The following UBQLNL variants were observed in gnomAD, a reference collection of about 807,000 sequenced individuals.
UBQLNL encodes the protein ubiquilin-like protein.
For synonymous variants in UBQLNL, 223 were observed against 209.7 expected (o/e 1.06, Z -0.55); for missense variants, 589 against 567.1 (o/e 1.04, Z -0.39).
rs1481535976 is a variant in UBQLNL, at chr11:5,515,585, T to C, written c.857A>G (p.Gln286Arg). 1.9e-6 allele frequency: 3 copies of C among 1,614,036 alleles called. No homozygotes were observed. Among genetic ancestry groups the C allele is most frequent in the Non-Finnish European group, 2.5e-6 (3 of 1,180,042 alleles). ...DINDQMLNSM[Q>R]DPFGGNPFTA... ...GAAAGGGTTTCCTCCAAAAGGATCT[T>C]GCATGCTGTTCAGCATTTGATCATT... The change falls in exon 1 of 1, where the codon CAA becomes CGA. Residue 286 changes from glutamine (Q) to arginine (R), a missense_variant. By Grantham distance (43) the Gln-to-Arg change is conservative (BLOSUM62 1). Coordinates refer to ENST00000380184, the MANE Select transcript of UBQLNL (RefSeq NM_145053.5).
Position 5,514,992 on chromosome 11 carries a change from G to A in UBQLNL, c.*22C>T. On this transcript the variant is annotated 3_prime_UTR_variant, in exon 1 of 1. Coordinates refer to ENST00000380184, the MANE Select transcript of UBQLNL (RefSeq NM_145053.5). Reference sequence around the variant, plus strand: ...GAGGGCCTGCTCAATCTGCAATATTGCTTGGAATGCTTTAGGGTTGCCTAA... The same window carrying A: ...GAGGGCCTGCTCAATCTGCAATATTACTTGGAATGCTTTAGGGTTGCCTAA... The A allele has an allele frequency of 6.2e-7, 1 of 1,601,656 alleles. No individual in the cohort carries two copies.
In UBQLNL at chr11:5,515,368, G is replaced by C. The variant is rs1195143530; in HGVS notation, c.1074C>G (p.Ala358=). ...CCTTGGTGGAAATCATAGCAGTGTT[G>C]GCTTTGGAAGTGTGGTTGACCTTGT... ...TLNKVNHTSK[A]NTAMISTKGQ... The change falls in exon 1 of 1, where the codon GCC becomes GCG. Residue 358 remains alanine, a synonymous_variant. Coordinates refer to ENST00000380184, the MANE Select transcript of UBQLNL (RefSeq NM_145053.5). 4 of 1,614,068 alleles carry C rather than the reference G, an allele frequency of 2.5e-6. No homozygotes were observed. The Admixed American group carries it at 6.7e-5, about 27-fold the overall frequency.
Position 5,514,642 on chromosome 11 carries a change from C to A in UBQLNL, c.*372G>T. On this transcript the variant is annotated 3_prime_UTR_variant, in exon 1 of 1. Transcript: ENST00000380184. ...AGCTTGCGGATAGCAGCATTGGTGT[C>A]CCCTTCAGTAGCAATGAGTGCCTGT... The A allele has an allele frequency of 5.1e-6, 1 of 196,380 alleles. No homozygotes were observed. Among genetic ancestry groups the A allele is most frequent in the East Asian group, 1.2e-4 (1 of 8,156 alleles). The allele number at this position is 196,380 out of a possible 1,614,324, so 12.2% of individuals were successfully genotyped here. A position where few individuals can be genotyped will look rare whatever the true frequency, so the allele number is the denominator to read the frequency against.
Position 5,514,843 on chromosome 11 carries a change from A to T in UBQLNL, c.*171T>A, listed in dbSNP as rs1564839480. On this transcript the variant is annotated 3_prime_UTR_variant, in exon 1 of 1. Transcript: ENST00000380184. ...GGTCCCTTGGGCTCAGCTGTATCTG[A>T]AACATTCCAGGAACAGGGCACTGTG... The T allele has an allele frequency of 1.8e-5, 12 of 662,822 alleles. No individual in the cohort carries two copies. The highest frequency in any genetic ancestry group is 2.6e-5 in the Non-Finnish European group (10 of 387,522). 41.1% of individuals were successfully genotyped at this position (662,822 alleles called of 1,614,324 possible).
chr11:5,514,789 G>A lies in UBQLNL; in HGVS notation c.*225C>T, dbSNP rs1480119839. The stretch of plus-strand genomic sequence containing the variant: ...CCATCCGGGGATTGTAGCCTCTGCA[G>A]GACTGTTCCAGGCTTGTGGCAGCAC... On this transcript the variant is annotated 3_prime_UTR_variant, in exon 1 of 1. Coordinates refer to ENST00000380184, the MANE Select transcript of UBQLNL (RefSeq NM_145053.5). 5.2e-6 allele frequency: 3 copies of A among 573,914 alleles called. No homozygotes were observed. The highest frequency in any genetic ancestry group is 2.3e-5 in the South Asian group (1 of 42,578). The allele number at this position is 573,914 out of a possible 1,614,324, so 35.6% of individuals were successfully genotyped here.
Position 5,515,771 on chromosome 11 carries a change from T to C in UBQLNL, c.671A>G (p.Gln224Arg). 9.9e-6 allele frequency: 16 copies of C among 1,614,162 alleles called. No individual in the cohort carries two copies. Among genetic ancestry groups the C allele is most frequent in the Non-Finnish European group, 1.4e-5 (16 of 1,180,026 alleles). ...LLLDNSEILL[Q>R]TLELARNLAM... ...AAGGTTCCTGGCCAGCTCCAGAGTCTGCAATAGGATCTCAGAATTATCAAG... is the reference window on the plus strand; with the variant it reads ...AAGGTTCCTGGCCAGCTCCAGAGTCCGCAATAGGATCTCAGAATTATCAAG... Residue 224 changes from glutamine to arginine, a missense_variant, in exon 1 of 1, where the codon CAG (glutamine) becomes CGG (arginine). Gln to Arg is a conservative substitution (Grantham distance 43). Transcript: ENST00000380184.
chr11:5,515,481 C>A lies in UBQLNL; in HGVS notation c.961G>T (p.Asp321Tyr), dbSNP rs1846518326. The A allele has an allele frequency of 1.2e-6, 2 of 1,613,868 alleles. No homozygotes were observed. Among genetic ancestry groups the A allele is most frequent in the Admixed American group, 1.7e-5 (1 of 59,994 alleles). Residue 321 changes from aspartate to tyrosine, a missense_variant, in exon 1 of 1, where the codon GAC (aspartate) becomes TAC (tyrosine). Transcript: ENST00000380184. ...GTTGCAGGATGCTGTGTGAGCTGGT[C>A]TTGTTGTTCCTGTGATGGTGGTGGA... is the stretch of plus-strand genomic sequence containing the variant. ...PPPPPSQEQQ[D>Y]QLTQHPATRV...
chr11:5,516,144 T>G lies in UBQLNL; in HGVS notation c.298A>C (p.Ile100Leu), dbSNP rs1846533446. Reference sequence around the variant, plus strand: ...GATCTGGAGCCCTGCTTGGACTTGATGACCAAGTAGATGGTGTGGCCATCC... The same window carrying G: ...GATCTGGAGCCCTGCTTGGACTTGAGGACCAAGTAGATGGTGTGGCCATCC... ...IMDGHTIYLV[I>L]KSKQGSRSLA... is the part of the protein sequence containing the mutation. The change falls in exon 1 of 1, where the codon ATC (isoleucine) becomes CTC (leucine). Residue 100 changes from isoleucine to leucine, a missense_variant. By Grantham distance (5) the Ile-to-Leu change is conservative. Coordinates refer to ENST00000380184, the MANE Select transcript of UBQLNL (RefSeq NM_145053.5). 6.2e-7 allele frequency: 1 copy of G among 1,614,190 alleles called. No individual in the cohort carries two copies. Among genetic ancestry groups the G allele is most frequent in the South Asian group, 1.1e-5 (1 of 91,088 alleles).
At position 5,515,495 on chromosome 11, in the gene UBQLNL, G is replaced by A. The variant is rs1846518602; in HGVS notation, c.947C>T (p.Ser316Leu). ...VQSSPPPPPP[S>L]QEQQDQLTQH... ...TGTGAGCTGGTCTTGTTGTTCCTGT[G>A]ATGGTGGTGGAGGTGGGGGTGAAGA... Residue 316 changes from serine to leucine, a missense_variant, in exon 1 of 1, where the codon TCA becomes TTA. Coordinates refer to ENST00000380184, the MANE Select transcript of UBQLNL (RefSeq NM_145053.5). The A allele has an allele frequency of 6.2e-7, 1 of 1,614,148 alleles. No individual in the cohort carries two copies.
Position 5,515,447 on chromosome 11 carries a change from A to G in UBQLNL, c.995T>C (p.Ile332Thr), listed in dbSNP as rs1846517386. The G allele has an allele frequency of 1.2e-6, 2 of 1,614,092 alleles. No homozygotes were observed. Residue 332 changes from isoleucine to threonine, a missense_variant, in exon 1 of 1, where the codon ATC (isoleucine) becomes ACC (threonine). Ile to Thr is a moderately conservative substitution (Grantham distance 89). Coordinates refer to ENST00000380184, the MANE Select transcript of UBQLNL (RefSeq NM_145053.5). ...AGAGAAACCACCAGAGCTATTATAG[A>G]TGACTCGGGTTGCAGGATGCTGTGT... ...QLTQHPATRV[I>T]YNSSGGFSSN...
chr11:5,514,705 G>A lies in UBQLNL; in HGVS notation c.*309C>T, dbSNP rs1043138340. 4 of 332,876 alleles carry A rather than the reference G, an allele frequency of 1.2e-5. No homozygotes were observed. The highest frequency in any genetic ancestry group is 2.1e-5 in the African/African-American group (1 of 47,866). The allele number at this position is 332,876 out of a possible 1,614,324, so 20.6% of individuals were successfully genotyped here. A position where few individuals can be genotyped will look rare whatever the true frequency, so the allele number is the denominator to read the frequency against. On this transcript the variant is annotated 3_prime_UTR_variant, in exon 1 of 1. Transcript: ENST00000380184. ...TGGTTCCCAAATCCCATGGCCTGGA[G>A]AGAATCCATCTGTTTGCTAAAACAA...
Position 5,514,932 on chromosome 11 carries a change from G to A in UBQLNL, c.*82C>T. 6.9e-7 allele frequency: 1 copy of A among 1,441,792 alleles called. No homozygotes were observed. Among genetic ancestry groups the A allele is most frequent in the African/African-American group, 1.4e-5 (1 of 71,186 alleles). The allele number at this position is 1,441,792 out of a possible 1,614,324, so 89.3% of individuals were successfully genotyped here. A position where few individuals can be genotyped will look rare whatever the true frequency, so the allele number is the denominator to read the frequency against. ...GCCCCATAGGTAGGGTGCAACCCAA[G>A]GCAGAAGAACAGGAGCCTCTGTGGC... On this transcript the variant is annotated 3_prime_UTR_variant, in exon 1 of 1. Transcript: ENST00000380184.
At position 5,516,215 on chromosome 11, in the gene UBQLNL, C is replaced by T. The variant is rs550903090; in HGVS notation, c.227G>A (p.Gly76Asp). 1 of 1,610,630 alleles carries T rather than the reference C, an allele frequency of 6.2e-7. No homozygotes were observed. The highest frequency in any genetic ancestry group is 1.7e-5 in the Admixed American group (1 of 59,892). Residue 76 changes from glycine to aspartate, a missense_variant, in exon 1 of 1, where the codon GGT becomes GAT. Transcript: ENST00000380184. ...TGTGTCATGGTCTTTGAGAAGGCAA[C>T]CCATGAAGACCAGCACTAGTTGGTC... ...QMDQLVLVFMGCLLKDHDTLS... is the reference protein window; with the variant it reads ...QMDQLVLVFMDCLLKDHDTLS...
At position 5,515,776 on chromosome 11, in the gene UBQLNL, T is replaced by A. The variant is rs746843680; in HGVS notation, c.666A>T (p.Leu222=). 7 of 1,613,962 alleles carry A rather than the reference T, an allele frequency of 4.3e-6. No individual in the cohort carries two copies. The African/African-American group carries it at 8.0e-5, about 18-fold the overall frequency. ...SRLLLDNSEI[L]LQTLELARNL... is the part of the protein sequence containing the mutation. The stretch of plus-strand genomic sequence containing the variant: ...TCCTGGCCAGCTCCAGAGTCTGCAA[T>A]AGGATCTCAGAATTATCAAGAAGAA... The change falls in exon 1 of 1, where the codon CTA becomes CTT. Residue 222 remains leucine (L), a synonymous_variant. Transcript: ENST00000380184.
In UBQLNL at chr11:5,515,079, G is replaced by C. The variant is rs12223282; in HGVS notation, c.1363C>G (p.Gln455Glu). ...AATGTGGGCAGCTGCTGCCTCCACTGTTCACTCAGCTGGGGCATACTTGTG... is the reference window on the plus strand; with the variant it reads ...AATGTGGGCAGCTGCTGCCTCCACTCTTCACTCAGCTGGGGCATACTTGTG... ...LFTSMPQLSE[Q>E]WRQQLPTFLQ... Residue 455 changes from glutamine (Q) to glutamate (E), a missense_variant, in exon 1 of 1, where the codon CAG (glutamine) becomes GAG (glutamate). By Grantham distance (29) the Gln-to-Glu change is conservative (BLOSUM62 2). Coordinates refer to ENST00000380184, the MANE Select transcript of UBQLNL (RefSeq NM_145053.5). The C allele has an allele frequency of 0.042, 67,340 of 1,614,148 alleles. 1,597 individuals are homozygous for C. Among genetic ancestry groups the C allele is most frequent in the East Asian group, 0.05 (2,250 of 44,880 alleles).
At position 5,515,302 on chromosome 11, in the gene UBQLNL, T is replaced by C; in HGVS notation, c.1140A>G (p.Ile380Met). Reference protein sequence around the residue: ...HICATRQPAWIPALPSIELTQ... With the variant: ...HICATRQPAWMPALPSIELTQ... ...TAAGCTCTATGCTAGGTAAGGCTGGTATCCAAGCTGGCTGCCGAGTGGCAC... is the reference window on the plus strand; with the variant it reads ...TAAGCTCTATGCTAGGTAAGGCTGGCATCCAAGCTGGCTGCCGAGTGGCAC... Residue 380 changes from isoleucine to methionine, a missense_variant, in exon 1 of 1, where the codon ATA becomes ATG. Ile to Met is a conservative substitution (Grantham distance 10). Transcript: ENST00000380184. The C allele has an allele frequency of 6.2e-7, 1 of 1,614,232 alleles. No homozygotes were observed.
chr11:5,515,770 C>G lies in UBQLNL; in HGVS notation c.672G>C (p.Gln224His), dbSNP rs763946367. ...CAAGGTTCCTGGCCAGCTCCAGAGT[C>G]TGCAATAGGATCTCAGAATTATCAA... ...LLLDNSEILL[Q>H]TLELARNLAM... Residue 224 changes from glutamine to histidine, a missense_variant, in exon 1 of 1, where the codon CAG (glutamine) becomes CAC (histidine). By Grantham distance (24) the Gln-to-His change is conservative. Coordinates refer to ENST00000380184, the MANE Select transcript of UBQLNL (RefSeq NM_145053.5). 1.2e-6 allele frequency: 2 copies of G among 1,613,984 alleles called. No individual in the cohort carries two copies. The highest frequency in any genetic ancestry group is 2.7e-5 in the African/African-American group (2 of 74,892).
chr11:5,515,963 T>C lies in UBQLNL; in HGVS notation c.479A>G (p.His160Arg). Residue 160 changes from histidine to arginine, a missense_variant, in exon 1 of 1, where the codon CAT becomes CGT. His to Arg is a conservative substitution (Grantham distance 29). Transcript: ENST00000380184. ...GTGGCTCACTTCCAAGTTTTGGGTATGCACTTTGGGTGCATCAGACCCCAC... is the reference window on the plus strand; with the variant it reads ...GTGGCTCACTTCCAAGTTTTGGGTACGCACTTTGGGTGCATCAGACCCCAC... ...HFVGSDAPKV[H>R]TQNLEVSHPE... 1 of 1,614,184 alleles carries C rather than the reference T, an allele frequency of 6.2e-7. No homozygotes were observed. Among genetic ancestry groups the C allele is most frequent in the Non-Finnish European group, 8.5e-7 (1 of 1,180,016 alleles).
chr11:5,515,232 T>C lies in UBQLNL; in HGVS notation c.1210A>G (p.Ser404Gly). 1 of 1,614,236 alleles carries C rather than the reference T, an allele frequency of 6.2e-7. No individual in the cohort carries two copies. Among genetic ancestry groups the C allele is most frequent in the Non-Finnish European group, 8.5e-7 (1 of 1,180,044 alleles). ...EEYKDATVSLSSSRQTLKGDL... is the reference protein window; with the variant it reads ...EEYKDATVSLGSSRQTLKGDL... ...CCCTTTAATGTCTGTCTGGAGCTACTTAGAGAAACAGTGGCATCCTTGTAT... is the reference window on the plus strand; with the variant it reads ...CCCTTTAATGTCTGTCTGGAGCTACCTAGAGAAACAGTGGCATCCTTGTAT... Residue 404 changes from serine to glycine, a missense_variant, in exon 1 of 1, where the codon AGT becomes GGT. Transcript: ENST00000380184.
Sources: gnomAD v4.1 joint callset for allele counts on GRCh38, gnomAD v4.1.1 for gene constraint, MANE v1.5 for transcripts, NCBI Gene and HGNC (gene_info 2026-07-23, HGNC 2026-07-21) for gene names.